Variants in NRXN3 observed in about 807,000 individuals in gnomAD.
The protein encoded by NRXN3 is neurexin 3.
NRXN3 carries 32 observed loss-of-function variants against 137.6 expected under a neutral mutation model. The ratio of observed to expected loss-of-function variants is 0.23; its 90% CI spans 0.18 to 0.31. The LOEUF (loss-of-function observed/expected upper bound fraction) is 0.31, where lower values mean the gene tolerates loss of function less well. NRXN3 is among the 10% of genes least tolerant of loss of function. The pLI, the probability that NRXN3 is intolerant of heterozygous loss-of-function variation, is 1.00. For missense variants in NRXN3, 1,574 were observed against 2,062.5 expected (o/e 0.76, Z 4.59); for synonymous variants, 798 against 784.5 (o/e 1.02, Z -0.29).
intron 15 of NRXN3, among the ~76,000 whole-genome samples, chr14:79,077,846 A>C (rs371240950): frequency 6.6e-6 from 1 of 152,146 alleles, no homozygotes; most frequent in Non-Finnish European, 1.5e-5. Flanking sequence ...AAATGAAAAC[A>C]TCTGTCAGGG....
intron 16 of NRXN3, among the ~76,000 whole-genome samples, chr14:79,640,721 AAGCTTGCTGG>A (rs753931393): frequency 7.4e-6 from 1 of 135,888 alleles, no homozygotes; most frequent in African/African-American, 2.4e-5. Flanking sequence ...CAAGCATGGA[AAGCTTGCTGG>A]TGACTTTTGT....
chr14:78,492,972 C>A (rs141510178), intron 4 of NRXN3, among the ~76,000 whole-genome samples: 1 of 152,144 alleles, frequency 6.6e-6, no homozygotes, highest in Non-Finnish European at 1.5e-5. Context: ...ACATTTTTAA[C>A]CCTCTGATTT....
intron 14 of NRXN3, among the ~76,000 whole-genome samples, chr14:78,977,351 T>G (rs1456721114): frequency 6.6e-6 from 1 of 152,156 alleles, no homozygotes; most frequent in Non-Finnish European, 1.5e-5. Context: ...GCAAAGTATT[T>G]TAAATTACCT....
intron 14 of NRXN3, among the ~76,000 whole-genome samples, chr14:78,978,831 G>A (rs2099479582): frequency 6.6e-6 from 1 of 150,456 alleles, no homozygotes; most frequent in Admixed American, 6.7e-5. Flanking sequence ...ACATGATTAT[G>A]GAGGCCAAGA....
At chr14:78,752,219 C>A (rs1441815610) in intron 8 of NRXN3, among the ~76,000 whole-genome samples, 1 of 152,164 alleles carries the variant, frequency 6.6e-6, no homozygotes, top group Non-Finnish European at 1.5e-5. Flanking sequence ...CCAGCCTGGG[C>A]AACAGGGTGA....
At chr14:78,459,402 TG>T (rs1209108658) in intron 4 of NRXN3, among the ~76,000 whole-genome samples, 4 of 152,172 alleles carry the variant, frequency 2.6e-5, no homozygotes, top group Admixed American at 6.5e-5. Context: ...AAAGAGATGT[TG>T]GTTGAATGCA....
chr14:79,334,093 T>C (rs2092036050), intron 15 of NRXN3, among the ~76,000 whole-genome samples: 1 of 152,174 alleles, frequency 6.6e-6, no homozygotes, highest in Non-Finnish European at 1.5e-5. Context: ...GAATGCCTAC[T>C]ATGTCCTAGG....
intron 8 of NRXN3, among the ~76,000 whole-genome samples, chr14:78,734,975 GC>G (rs1335233785): frequency 1.3e-5 from 2 of 152,124 alleles, no homozygotes; most frequent in African/African-American, 4.8e-5. Context: ...GACCAGATTT[GC>G]TTTTTTAAAG....
intron 17 of NRXN3, among the ~76,000 whole-genome samples, chr14:79,673,530 C>A (rs541146115): frequency 2.6e-5 from 4 of 151,970 alleles, no homozygotes; most frequent in African/African-American, 9.7e-5. Context: ...CTGTAAAAAC[C>A]TTTTTACTAA....
At chr14:78,531,274 C>T (rs1599983480) in intron 4 of NRXN3, among the ~76,000 whole-genome samples, 1 of 152,116 alleles carries the variant, frequency 6.6e-6, no homozygotes, top group East Asian at 1.9e-4. Flanking sequence ...TCTTCTTACA[C>T]TTACTTTGGA....
intron 15 of NRXN3, among the ~76,000 whole-genome samples, chr14:79,255,403 G>A (rs970824085): frequency 3.9e-5 from 6 of 152,174 alleles, no homozygotes; most frequent in Non-Finnish European, 7.3e-5. Context: ...TGTTTAAATG[G>A]CAGTATAGGG....
chr14:78,458,490 C>T (rs1323766815), intron 4 of NRXN3, among the ~76,000 whole-genome samples: 1 of 152,090 alleles, frequency 6.6e-6, no homozygotes, highest in Non-Finnish European at 1.5e-5. Flanking sequence ...TACCTGAGTC[C>T]CCTCTAGCTG....
chr14:79,558,638 C>T (rs1175295775), intron 16 of NRXN3, among the ~76,000 whole-genome samples: 2 of 151,612 alleles, frequency 1.3e-5, no homozygotes, highest in East Asian at 3.9e-4. Flanking sequence ...TGTTGTCATC[C>T]AGACTTTATT....
intron 15 of NRXN3, among the ~76,000 whole-genome samples, chr14:79,146,530 G>A (rs2059317127): frequency 1.3e-5 from 2 of 152,086 alleles, no homozygotes; most frequent in African/African-American, 2.4e-5. Context: ...CTCCTGGAGT[G>A]TAGAGTTGTC....
At position 79,388,032 on chromosome 14, in the gene NRXN3, A is replaced by G. The variant is rs956571642; in HGVS notation, c.3263-79189A>G. 1.2e-4 allele frequency among the ~76,000 whole-genome samples: 18 copies of G among 151,990 alleles called. 1 individual carries two copies. Among genetic ancestry groups the G allele is most frequent in the African/African-American group, 2.9e-4 (12 of 41,494 alleles). On this transcript the variant is annotated intron_variant, in intron 15 of 20. Coordinates refer to ENST00000335750, the MANE Select transcript of NRXN3 (RefSeq NM_001330195.2). ...ACGAGTTAATGGGTGCAGCACACCA[A>G]CATGGCACATGTATACATATGTAAC...
At chr14:79,694,899 G>GAAAC (rs1277214063) in intron 18 of NRXN3, among the ~76,000 whole-genome samples, 1 of 151,976 alleles carries the variant, frequency 6.6e-6, no homozygotes, top group Non-Finnish European at 1.5e-5. Context: ...AACAGACCAT[G>GAAAC]AAACAAACAA....
chr14:79,467,424 G>C (rs771037651), intron 16 of NRXN3, 22 bp downstream of exon 16: 14 of 1,558,726 alleles, frequency 9.0e-6, no homozygotes, highest in Non-Finnish European at 1.2e-5. Context: ...GCCTTGGCCT[G>C]GATTTTCTTA....
At chr14:78,580,260 G>A (rs758793316) in intron 4 of NRXN3, among the ~76,000 whole-genome samples, 1 of 152,054 alleles carries the variant, frequency 6.6e-6, no homozygotes, top group Non-Finnish European at 1.5e-5. Context: ...ACTCATGCCT[G>A]CCTGCTTGCC....
intron 15 of NRXN3, among the ~76,000 whole-genome samples, chr14:79,128,754 A>G (rs999976853): frequency 6.6e-6 from 1 of 152,082 alleles, no homozygotes; most frequent in Non-Finnish European, 1.5e-5. Flanking sequence ...AAGGAATGGT[A>G]CCAATTCCTC....
Sources: gnomAD v4.1 joint callset for allele counts (sites outside exome capture counted in the v4.1 genomes callset) on GRCh38, gnomAD v4.1.1 for gene constraint, MANE v1.5 for transcripts, NCBI Gene and HGNC (gene_info 2026-07-23, HGNC 2026-07-21) for gene names.